Variants in PPARA observed in about 807,000 individuals in gnomAD.
The protein encoded by PPARA is peroxisome proliferator-activated receptor alpha.
PPARA carries 22 observed loss-of-function variants against 42.2 expected under a neutral mutation model. The observed-to-expected ratio is 0.52, with a 90% CI of 0.37 to 0.74. The LOEUF (loss-of-function observed/expected upper bound fraction) is 0.74. Ranked by LOEUF, PPARA falls within the 30% of genes least tolerant of loss-of-function variation. The pLI, the probability that PPARA is intolerant of heterozygous loss-of-function variation, is 0.00. For missense variants in PPARA, 465 were observed against 608.2 expected (o/e 0.76, Z 2.48); for synonymous variants, 242 against 239.3 (o/e 1.01, Z -0.10).
At chr22:46,172,318 T>TAAAAA (rs35328780) in intron 2 of PPARA, among the ~76,000 whole-genome samples, 2 of 119,572 alleles carry the variant, frequency 1.7e-5, no homozygotes, top group African/African-American at 3.0e-5. Flanking sequence ...TGCAAGTAAT[T>TAAAAA]AAAAAAAAAA....
In PPARA at chr22:46,221,286, G is replaced by T. The variant is rs997536122; in HGVS notation, c.711+1272G>T. On this transcript the variant is annotated intron_variant, in intron 7 of 8. Transcript: ENST00000407236. The surrounding 1 kb of genome is among the most constrained non-coding windows in gnomAD (Gnocchi z 5.9). ...CCCATGATCCAGTCCCTCCCGCCAG[G>T]CCTCACCTCCACCACTGGGGATTAC... Among the ~76,000 whole-genome samples the T allele has an allele frequency of 5.9e-5, 9 of 152,114 alleles. No homozygotes were observed. Among genetic ancestry groups the T allele is most frequent in the African/African-American group, 2.2e-4 (9 of 41,418 alleles).
At chr22:46,214,866 C>T (rs114062793) in intron 4 of PPARA, among the ~76,000 whole-genome samples, 2,231 of 147,570 alleles carry the variant, frequency 0.015, 50 homozygotes, top group African/African-American at 0.053. Context: ...CGCGCGGGCC[C>T]GGAGATATGC....
rs1936129976 is a variant in PPARA at position 46,235,101 on chromosome 22, A to C, written c.1160-32A>C. 6.2e-7 allele frequency: 1 copy of C among 1,613,716 alleles called. No individual in the cohort carries two copies. Among genetic ancestry groups the C allele is most frequent in the Non-Finnish European group, 8.5e-7 (1 of 1,179,794 alleles). ...TAAGCAGTTCTTGGGTGATTATCAC[A>C]CTCAAACCTCTCTCTCTTCTTTCGA... On this transcript the variant is annotated intron_variant, in intron 8 of 8. Transcript: ENST00000407236. This position sits in a 1 kb window ranked among gnomAD's most constrained non-coding sequence, Gnocchi z 7.0.
rs1382113030 is a variant in PPARA, at chr22:46,236,798, G to A, written c.*1418G>A. 1.3e-5 allele frequency: 2 copies of A among 152,334 alleles called. No homozygotes were observed. The highest frequency in any genetic ancestry group is 4.8e-5 in the African/African-American group (2 of 41,446). The allele number at this position is 152,334 out of a possible 1,614,324, so 9.4% of individuals were successfully genotyped here. A position where few individuals can be genotyped will look rare whatever the true frequency, so the allele number is the denominator to read the frequency against. On this transcript the variant is annotated 3_prime_UTR_variant, in exon 9 of 9. Transcript: ENST00000407236. This position sits in a 1 kb window ranked among gnomAD's most constrained non-coding sequence, Gnocchi z 5.2. ...AATGGCAGTTTTACTTCAAATGGCA[G>A]ATTTCACAAGAGTTGGTTATTTTTT...
chr22:46,174,021 A>G lies in PPARA; in HGVS notation c.-126-2732A>G, dbSNP rs142080976. On this transcript the variant is annotated intron_variant, in intron 2 of 8. Transcript: ENST00000407236. ...AGATCGAGACCCTCTCTACTAAAATACAAAGAATTAGCTGGGCGTGGTGGT... is the reference window on the plus strand; with the variant it reads ...AGATCGAGACCCTCTCTACTAAAATGCAAAGAATTAGCTGGGCGTGGTGGT... Among the ~76,000 whole-genome samples, 292 of 49,682 alleles carry G rather than the reference A, an allele frequency of 5.9e-3. 1 individual carries two copies. The highest frequency in any genetic ancestry group is 7.9e-3 in the Non-Finnish European group (223 of 28,062). 32.6% of individuals were successfully genotyped at this position (49,682 alleles called of 152,430 possible). A position where few individuals can be genotyped will look rare whatever the true frequency, so the allele number is the denominator to read the frequency against.
chr22:46,169,327 C>T (rs1467302137), intron 2 of PPARA, among the ~76,000 whole-genome samples: 7 of 151,922 alleles, frequency 4.6e-5, no homozygotes, highest in Admixed American at 3.3e-4. Flanking sequence ...CTCCGCCTCC[C>T]GGGTTCACGC....
rs879705695 is a variant in PPARA, at chr22:46,156,999, C to T, written c.-127+5029C>T. Among the ~76,000 whole-genome samples the T allele has an allele frequency of 3.3e-5, 5 of 152,164 alleles. No individual in the cohort carries two copies. Among genetic ancestry groups the T allele is most frequent in the Non-Finnish European group, 5.9e-5 (4 of 68,032 alleles). The stretch of plus-strand genomic sequence containing the variant: ...ACTCCATGGCATACCTGGACCAGGC[C>T]TCTTCATCTTGAAGAGGGATCTGCT... On this transcript the variant is annotated intron_variant, in intron 2 of 8. Coordinates refer to ENST00000407236, the MANE Select transcript of PPARA (RefSeq NM_005036.6). This position sits in a 1 kb window ranked among gnomAD's most constrained non-coding sequence, Gnocchi z 5.2.
At position 46,230,819 on chromosome 22, in the gene PPARA, T is replaced by C. The variant is rs1653591524; in HGVS notation, c.712-973T>C. Among the ~76,000 whole-genome samples, 1 of 152,230 alleles carries C rather than the reference T, an allele frequency of 6.6e-6. No individual in the cohort carries two copies. The highest frequency in any genetic ancestry group is 2.1e-4 in the South Asian group (1 of 4,828). ...CAACGCTTGTTTGCCGATTTCTACATAGATGCCACCTTTCTGAGTTGTATG... is the reference window on the plus strand; with the variant it reads ...CAACGCTTGTTTGCCGATTTCTACACAGATGCCACCTTTCTGAGTTGTATG... On this transcript the variant is annotated intron_variant, in intron 7 of 8. Transcript: ENST00000407236. The surrounding 1 kb of genome is among the most constrained non-coding windows in gnomAD (Gnocchi z 5.0).
Position 46,235,164 on chromosome 22 carries a change from T to G in PPARA, c.1191T>G (p.Ile397Met). 6.2e-7 allele frequency: 1 copy of G among 1,613,974 alleles called. No homozygotes were observed. The highest frequency in any genetic ancestry group is 8.5e-7 in the Non-Finnish European group (1 of 1,179,904). Residue 397 changes from isoleucine to methionine, a missense_variant, in exon 9 of 9, where the codon ATT (isoleucine) becomes ATG (methionine). By Grantham distance (10) the Ile-to-Met change is conservative. Around this residue, in one of 2 missense-constraint regions of PPARA, gnomAD observed 313 missense variants for 469.1 expected, o/e 0.67. Transcript: ENST00000407236. The surrounding 1 kb of genome is among the most constrained non-coding windows in gnomAD (Gnocchi z 7.0). ...DRPGLLNVGH[I>M]EKMQEGIVHV... ...CTGGCCTTCTAAACGTAGGACACATTGAAAAAATGCAGGAGGGTATTGTAC... is the reference window on the plus strand; with the variant it reads ...CTGGCCTTCTAAACGTAGGACACATGGAAAAAATGCAGGAGGGTATTGTAC...
intron 3 of PPARA, among the ~76,000 whole-genome samples, chr22:46,177,814 C>T (rs1358423351): frequency 2.0e-5 from 3 of 152,018 alleles, no homozygotes; most frequent in Non-Finnish European, 4.4e-5. Flanking sequence ...AGGTCAGAAC[C>T]TCAGGTGTGT....
intron 2 of PPARA, chr22:46,176,030 T>C (rs1161972920): frequency 6.6e-6 from 1 of 152,204 alleles, no homozygotes; most frequent in African/African-American, 2.4e-5. Flanking sequence ...ATCCTAACAC[T>C]TGGAAGGCTG....
Position 46,242,731 on chromosome 22 carries a change from G to GCGCGCGCGCGCGCGCACA in PPARA, c.*7352_*7353insGCGCGCGCGCGCGCACAC, listed in dbSNP as rs10643430. 1 of 132,700 alleles carries GCGCGCGCGCGCGCGCACA rather than the reference G, an allele frequency of 7.5e-6. No individual in the cohort carries two copies. Among genetic ancestry groups the GCGCGCGCGCGCGCGCACA allele is most frequent in the African/African-American group, 2.5e-5 (1 of 39,858 alleles). The allele number at this position is 132,700 out of a possible 1,614,324, so 8.2% of individuals were successfully genotyped here. On this transcript the variant is annotated 3_prime_UTR_variant, in exon 9 of 9. Coordinates refer to ENST00000407236, the MANE Select transcript of PPARA (RefSeq NM_005036.6). The surrounding 1 kb of genome is among the most constrained non-coding windows in gnomAD (Gnocchi z 6.1). ...AAATACACTGCGTACACGTGTGCGT[G>GCGCGCGCGCGCGCGCACA]CACACACACACACACACACACACAC...
At chr22:46,197,307 C>T (rs1049424570) in intron 3 of PPARA, among the ~76,000 whole-genome samples, 2 of 151,992 alleles carry the variant, frequency 1.3e-5, no homozygotes, top group African/African-American at 2.4e-5. Flanking sequence ...GCCTCGGCCT[C>T]CCAAAGTGCT....
chr22:46,235,517 A>C lies in PPARA; in HGVS notation c.*137A>C. On this transcript the variant is annotated 3_prime_UTR_variant, in exon 9 of 9. Transcript: ENST00000407236. This position sits in a 1 kb window ranked among gnomAD's most constrained non-coding sequence, Gnocchi z 7.0. ...GCTTGGACAGTCTGAGCTGTAGGTA[A>C]CCGGCATATTATTCCATATCTTTGT... The C allele has an allele frequency of 1.7e-6, 2 of 1,145,890 alleles. No individual in the cohort carries two copies. The highest frequency in any genetic ancestry group is 2.7e-5 in the South Asian group (2 of 72,956). The allele number at this position is 1,145,890 out of a possible 1,614,324, so 71.0% of individuals were successfully genotyped here.
chr22:46,235,461 T>G lies in PPARA; in HGVS notation c.*81T>G. On this transcript the variant is annotated 3_prime_UTR_variant, in exon 9 of 9. Coordinates refer to ENST00000407236, the MANE Select transcript of PPARA (RefSeq NM_005036.6). The surrounding 1 kb of genome is among the most constrained non-coding windows in gnomAD (Gnocchi z 7.0). The stretch of plus-strand genomic sequence containing the variant: ...AAGGAGACGGGGGAGCAGCACGATT[T>G]TGCACAAATATCCACCACTTTAACC... 1 of 1,556,296 alleles carries G rather than the reference T, an allele frequency of 6.4e-7. No homozygotes were observed. The highest frequency in any genetic ancestry group is 1.4e-5 in the African/African-American group (1 of 73,482).
chr22:46,221,274 C>A lies in PPARA; in HGVS notation c.711+1260C>A, dbSNP rs1414332487. On this transcript the variant is annotated intron_variant, in intron 7 of 8. Transcript: ENST00000407236. The surrounding 1 kb of genome is among the most constrained non-coding windows in gnomAD (Gnocchi z 5.9). ...TGAAGGATCACCCCCATGATCCAGT[C>A]CCTCCCGCCAGGCCTCACCTCCACC... Among the ~76,000 whole-genome samples, 2 of 152,174 alleles carry A rather than the reference C, an allele frequency of 1.3e-5. No homozygotes were observed. Among genetic ancestry groups the A allele is most frequent in the African/African-American group, 2.4e-5 (1 of 41,456 alleles).
At chr22:46,208,471 C>A (rs989047270) in intron 4 of PPARA, among the ~76,000 whole-genome samples, 1 of 151,646 alleles carries the variant, frequency 6.6e-6, no homozygotes, top group Non-Finnish European at 1.5e-5. Flanking sequence ...TCACTTGAAC[C>A]CAAGAGGCAG....
chr22:46,195,372 ATAC>A lies in PPARA; in HGVS notation c.-42-2966_-42-2964del, dbSNP rs1431996526. ...CCCTTCAGACAGAATGCAGAATAAA[ATAC>A]TACAGAAAATCTGTACAGAGTCCCA... On this transcript the variant is annotated intron_variant, in intron 3 of 8. Transcript: ENST00000407236. This position sits in a 1 kb window ranked among gnomAD's most constrained non-coding sequence, Gnocchi z 4.6. 6.6e-6 allele frequency among the ~76,000 whole-genome samples: 1 copy of A among 152,240 alleles called. No individual in the cohort carries two copies. Among genetic ancestry groups the A allele is most frequent in the Non-Finnish European group, 1.5e-5 (1 of 68,048 alleles).
rs141240274 is a variant in PPARA at position 46,212,418 on chromosome 22, C to G, written c.209-2755C>G. ...CAAAAAACCCCATGCTTCACCTATT[C>G]AACCCTGCCTCTCCCACCCCCAGCC... On this transcript the variant is annotated intron_variant, in intron 4 of 8. Transcript: ENST00000407236. The surrounding 1 kb of genome is among the most constrained non-coding windows in gnomAD (Gnocchi z 4.2). 6.6e-6 allele frequency among the ~76,000 whole-genome samples: 1 copy of G among 152,292 alleles called. No homozygotes were observed. The highest frequency in any genetic ancestry group is 1.5e-5 in the Non-Finnish European group (1 of 68,010).
Sources: allele counts gnomAD v4.1 joint callset (sites outside exome capture counted in the v4.1 genomes callset), GRCh38; gene constraint gnomAD v4.1.1; regional missense constraint gnomAD v4.1.1; non-coding constraint Gnocchi (gnomAD v3.1); transcripts MANE v1.5; gene names NCBI Gene and HGNC (gene_info 2026-07-23, HGNC 2026-07-21).